The following MAPK10 variants were observed in gnomAD, a reference collection of about 807,000 sequenced individuals.
MAPK10 encodes mitogen-activated protein kinase 10.
MAPK10 carries 25 observed loss-of-function variants against 59.3 expected under a neutral mutation model. That is an observed-to-expected ratio of 0.42 (90% CI 0.31 to 0.59). The LOEUF is 0.59. MAPK10 is among the 20% of genes least tolerant of loss of function. MAPK10 has a pLI of 0.15. For missense variants in MAPK10, 351 were observed against 568.9 expected, an observed-to-expected ratio of 0.62 and a Z score of 3.90; for synonymous variants, 190 against 200.5, an observed-to-expected ratio of 0.95 and a Z score of 0.44.
chr4:86,029,696 A>C (rs2038486986), intron 12 of MAPK10, among the ~76,000 whole-genome samples: 1 of 152,174 alleles, frequency 6.6e-6, no homozygotes, highest in Non-Finnish European at 1.5e-5. Context: ...TCAATCTAGC[A>C]ACAATTTTTA....
intron 2 of MAPK10, among the ~76,000 whole-genome samples, chr4:86,235,437 A>C (rs1049877512): frequency 1.3e-5 from 2 of 152,224 alleles, no homozygotes; most frequent in Non-Finnish European, 2.9e-5. Flanking sequence ...TGGTTCATAC[A>C]GGTGTGCTCA....
At chr4:86,069,149 G>A (rs1268817162) in intron 9 of MAPK10, among the ~76,000 whole-genome samples, 1 of 152,076 alleles carries the variant, frequency 6.6e-6, no homozygotes, top group African/African-American at 2.4e-5. Context: ...AAGATTGTCA[G>A]TCCTGATTAA....
At chr4:86,187,933 G>C (rs2078685007) in intron 3 of MAPK10, among the ~76,000 whole-genome samples, 1 of 152,034 alleles carries the variant, frequency 6.6e-6, no homozygotes, top group African/African-American at 2.4e-5. Flanking sequence ...CCTGGTGTGT[G>C]ATGTTCCCCT....
intron 1 of MAPK10, among the ~76,000 whole-genome samples, chr4:86,522,162 C>T (rs1757155892): frequency 6.6e-6 from 1 of 152,134 alleles, no homozygotes; most frequent in Non-Finnish European, 1.5e-5. Context: ...TCTGACTTAT[C>T]CCTCTATCAC....
intron 1 of MAPK10, among the ~76,000 whole-genome samples, chr4:86,384,971 A>T (rs904168865): frequency 6.6e-6 from 1 of 152,154 alleles, no homozygotes; most frequent in Admixed American, 6.6e-5. Context: ...ATGCATTTAG[A>T]TATATCTAAA....
chr4:86,576,266 C>T (rs1159528694), intron 1 of MAPK10, among the ~76,000 whole-genome samples: 1 of 151,922 alleles, frequency 6.6e-6, no homozygotes, highest in African/African-American at 2.4e-5. Context: ...AGATATTTCT[C>T]AGAAAATGAG....
rs140205077 is a variant in MAPK10 at position 86,307,991 on chromosome 4, A to T, written c.-7+46539T>A. On this transcript the variant is annotated intron_variant, in intron 2 of 13. Transcript: ENST00000641462. ...TTATAGAGGCAAGAAACATTTTCCC[A>T]GACAAAACTATAAAGTGAACCAACA... Among the ~76,000 whole-genome samples, 766 of 152,312 alleles carry T rather than the reference A, an allele frequency of 5.0e-3. 3 individuals are homozygous for T. Among genetic ancestry groups the T allele is most frequent in the African/African-American group, 0.017 (723 of 41,580 alleles).
At chr4:86,216,001 C>T (rs952072270) in intron 2 of MAPK10, among the ~76,000 whole-genome samples, 1 of 151,798 alleles carries the variant, frequency 6.6e-6, no homozygotes, top group Non-Finnish European at 1.5e-5. Flanking sequence ...AGATATGAAC[C>T]CTTGTGCCCT....
intron 4 of MAPK10, chr4:86,124,619 G>A (rs531538610): frequency 3.3e-5 from 5 of 151,954 alleles, no homozygotes; most frequent in African/African-American, 1.2e-4. Context: ...TGCTGAAATG[G>A]ACTAAAGCAA....
chr4:86,534,105 T>A (rs981988482), intron 1 of MAPK10, among the ~76,000 whole-genome samples: 1 of 152,108 alleles, frequency 6.6e-6, no homozygotes, highest in Admixed American at 6.5e-5. Flanking sequence ...CACCACATAA[T>A]GTTTCCTTAT....
intron 3 of MAPK10, among the ~76,000 whole-genome samples, chr4:86,180,346 G>T (rs999104693): frequency 2.0e-5 from 3 of 151,926 alleles, no homozygotes; most frequent in Non-Finnish European, 2.9e-5. Context: ...ATGTTGGTGA[G>T]ATATGGAGAA....
At chr4:86,277,540 CT>C (rs1376756283) in intron 2 of MAPK10, among the ~76,000 whole-genome samples, 4 of 151,982 alleles carry the variant, frequency 2.6e-5, no homozygotes, top group Non-Finnish European at 4.4e-5. Flanking sequence ...GCTTGGATTA[CT>C]TTTTAAAGTG....
At chr4:86,338,162 C>T (rs1480951846) in intron 2 of MAPK10, among the ~76,000 whole-genome samples, 3 of 152,182 alleles carry the variant, frequency 2.0e-5, no homozygotes, top group African/African-American at 7.2e-5. Context: ...CTGCCTTGAC[C>T]ATTTCGTGAC....
intron 2 of MAPK10, among the ~76,000 whole-genome samples, chr4:86,350,297 C>A (rs984965196): frequency 1.3e-5 from 2 of 152,058 alleles, no homozygotes; most frequent in Admixed American, 6.6e-5. Context: ...TCACTGCAAC[C>A]TCTGCCTCCC....
intron 1 of MAPK10, among the ~76,000 whole-genome samples, chr4:86,504,863 A>C (rs1464345300): frequency 5.3e-5 from 8 of 152,150 alleles, no homozygotes; most frequent in Admixed American, 5.2e-4. Flanking sequence ...GAAGTGCTAC[A>C]AGATTCATGT....
chr4:86,243,618 A>T (rs1436278844), intron 2 of MAPK10, among the ~76,000 whole-genome samples: 1 of 151,994 alleles, frequency 6.6e-6, no homozygotes, highest in Non-Finnish European at 1.5e-5. Context: ...CCTCAGCCTG[A>T]ACCTCTCTTC....
At chr4:86,129,623 C>G (rs1013449160) in intron 4 of MAPK10, among the ~76,000 whole-genome samples, 1 of 152,128 alleles carries the variant, frequency 6.6e-6, no homozygotes, top group Non-Finnish European at 1.5e-5. Context: ...CAATCAAATA[C>G]GAGTATTGAT....
chr4:86,015,745 G>A lies in MAPK10; in HGVS notation c.*1483C>T, dbSNP rs1743079019. 1 of 152,144 alleles carries A rather than the reference G, an allele frequency of 6.6e-6. No homozygotes were observed. Among genetic ancestry groups the A allele is most frequent in the Non-Finnish European group, 1.5e-5 (1 of 68,014 alleles). The allele number at this position is 152,144 out of a possible 1,614,324, so 9.4% of individuals were successfully genotyped here. A position where few individuals can be genotyped will look rare whatever the true frequency, so the allele number is the denominator to read the frequency against. On this transcript the variant is annotated 3_prime_UTR_variant, in exon 14 of 14. Transcript: ENST00000641462. ...TGGCAGCAGTAAATTTATGGGCAGAGTTATTGCTCTTACATCTACTGCAGT... is the reference window on the plus strand; with the variant it reads ...TGGCAGCAGTAAATTTATGGGCAGAATTATTGCTCTTACATCTACTGCAGT...
chr4:86,051,039 GA>G (rs1202544212), intron 11 of MAPK10, among the ~76,000 whole-genome samples: 1 of 152,094 alleles, frequency 6.6e-6, no homozygotes, highest in Non-Finnish European at 1.5e-5. Context: ...AAACTGTGGG[GA>G]GCATCTTTTG....
Sources: allele counts gnomAD v4.1 joint callset (sites outside exome capture counted in the v4.1 genomes callset), GRCh38; gene constraint gnomAD v4.1.1; transcripts MANE v1.5; gene names NCBI Gene and HGNC (gene_info 2026-07-23, HGNC 2026-07-21).